Variants in CHST9 observed in about 807,000 individuals in gnomAD.
CHST9 encodes carbohydrate sulfotransferase 9.
CHST9 carries 41 observed loss-of-function variants against 44.4 expected under a neutral mutation model. That is an observed-to-expected ratio of 0.92 (90% CI 0.72 to 1.20). CHST9 has a LOEUF of 1.20. Among genes scored for constraint, CHST9 ranks in the 50% most tolerant of loss-of-function variants. The pLI is 0.00. For synonymous variants in CHST9, 171 were observed against 178.4 expected, an observed-to-expected ratio of 0.96 and a Z score of 0.33; for missense variants, 504 against 516.5, an observed-to-expected ratio of 0.98 and a Z score of 0.23.
rs537163975 is a variant in CHST9, at chr18:27,169,742, G to T, written c.-97+15394C>A. Reference sequence around the variant, plus strand: ...CTGCCTCAGCCTCCCGAGCAGCTGGGACTACAGGCACCCACCACCATGCCG... The same window carrying T: ...CTGCCTCAGCCTCCCGAGCAGCTGGTACTACAGGCACCCACCACCATGCCG... On this transcript the variant is annotated intron_variant, in intron 1 of 5. Transcript: ENST00000618847. Among the ~76,000 whole-genome samples, 13 of 151,676 alleles carry T rather than the reference G, an allele frequency of 8.6e-5. No individual in the cohort carries two copies. In the South Asian group the frequency reaches 2.7e-3, roughly 32 times the overall value.
intron 4 of CHST9, among the ~76,000 whole-genome samples, chr18:26,972,787 G>A (rs1262125416): frequency 6.6e-6 from 1 of 152,214 alleles, no homozygotes; most frequent in Non-Finnish European, 1.5e-5. Flanking sequence ...CCCGGGGATG[G>A]CGCTTTTCCT....
At chr18:27,028,889 A>G (rs2057311563) in intron 3 of CHST9, among the ~76,000 whole-genome samples, 2 of 152,224 alleles carry the variant, frequency 1.3e-5, no homozygotes, top group Non-Finnish European at 2.9e-5. Context: ...TTAACTATGT[A>G]TGCATTTGAT....
intron 4 of CHST9, among the ~76,000 whole-genome samples, chr18:26,953,095 T>G (rs140683363): frequency 1.3e-5 from 2 of 152,312 alleles, no homozygotes; most frequent in African/African-American, 2.4e-5. Context: ...CAAGAATATC[T>G]CTTGAATATG....
At chr18:26,956,518 ATT>A (rs1366400914) in intron 4 of CHST9, among the ~76,000 whole-genome samples, 4 of 150,216 alleles carry the variant, frequency 2.7e-5, no homozygotes, top group Admixed American at 6.6e-5. Context: ...ACACAATTAT[ATT>A]ATTTTTGTGG....
At chr18:27,019,689 CAAAAAAAA>C (rs60043018) in intron 4 of CHST9, among the ~76,000 whole-genome samples, 34 of 91,300 alleles carry the variant, frequency 3.7e-4, no homozygotes, top group African/African-American at 9.8e-4. Context: ...CACTACATGG[CAAAAAAAA>C]AAAAAAAAAA....
intron 4 of CHST9, among the ~76,000 whole-genome samples, chr18:26,977,035 C>T (rs1217956166): frequency 1.3e-5 from 2 of 150,520 alleles, no homozygotes; most frequent in African/African-American, 2.4e-5. Flanking sequence ...TTTGCCAGGC[C>T]CTTTTATGGA....
rs142365322 is a variant in CHST9 at position 26,924,346 on chromosome 18, G to A, written c.241-6996C>T. Among the ~76,000 whole-genome samples, 1,050 of 152,046 alleles carry A rather than the reference G, an allele frequency of 6.9e-3. 17 individuals carry two copies. Among genetic ancestry groups the A allele is most frequent in the African/African-American group, 0.024 (1,011 of 41,466 alleles). On this transcript the variant is annotated intron_variant, in intron 5 of 5. Coordinates refer to ENST00000618847, the MANE Select transcript of CHST9 (RefSeq NM_031422.6). ...AGAAATAGAAGTAGCAGTTTTTATG[G>A]GGGCCCTGGGGTGGGTGTGGGCATT...
At chr18:27,011,621 T>A (rs895281158) in intron 4 of CHST9, among the ~76,000 whole-genome samples, 2 of 152,148 alleles carry the variant, frequency 1.3e-5, no homozygotes, top group African/African-American at 4.8e-5. Context: ...AAAGGGGAGA[T>A]CTTTTAAGAG....
chr18:27,172,392 T>C (rs1298989382), intron 1 of CHST9, among the ~76,000 whole-genome samples: 2 of 152,072 alleles, frequency 1.3e-5, no homozygotes, highest in Non-Finnish European at 2.9e-5. Context: ...CTTAGTGGTA[T>C]GAGTGTCCTT....
At chr18:26,987,716 G>A (rs2056770508) in intron 4 of CHST9, among the ~76,000 whole-genome samples, 1 of 152,178 alleles carries the variant, frequency 6.6e-6, no homozygotes, top group Admixed American at 6.5e-5. Flanking sequence ...GCACTGGGAA[G>A]TGGGGTCTTT....
chr18:27,182,359 A>G (rs2058919164), intron 1 of CHST9, among the ~76,000 whole-genome samples: 1 of 152,210 alleles, frequency 6.6e-6, no homozygotes, highest in African/African-American at 2.4e-5. Context: ...TAACGCTTTC[A>G]GGGAAAAGAG....
intron 5 of CHST9, chr18:26,930,534 G>A (rs2055858387): frequency 6.5e-6 from 1 of 152,920 alleles, no homozygotes; most frequent in South Asian, 2.1e-4. Context: ...TTAACTCTAA[G>A]TTTTGCAGCT....
Position 26,910,610 on chromosome 18 carries a change from C to G in CHST9, c.*5649G>C, listed in dbSNP as rs1294240052. The G allele has an allele frequency of 6.6e-6, 1 of 152,128 alleles. No individual in the cohort carries two copies. Among genetic ancestry groups the G allele is most frequent in the Non-Finnish European group, 1.5e-5 (1 of 68,028 alleles). The allele number at this position is 152,128 out of a possible 1,614,324, so 9.4% of individuals were successfully genotyped here. On this transcript the variant is annotated 3_prime_UTR_variant, in exon 6 of 6. Transcript: ENST00000618847. ...CAAATCCCCTGTCATTAATGAGGCC[C>G]AATGTTGGCAGCTAATTCAGATGTT...
At chr18:27,062,587 T>C (rs561099514) in intron 2 of CHST9, among the ~76,000 whole-genome samples, 2 of 152,338 alleles carry the variant, frequency 1.3e-5, no homozygotes, top group South Asian at 4.1e-4. Context: ...TGGTTCCAAG[T>C]CTTTCCTATT....
intron 4 of CHST9, among the ~76,000 whole-genome samples, chr18:27,004,445 T>C (rs971106853): frequency 6.6e-6 from 1 of 152,074 alleles, no homozygotes; most frequent in Non-Finnish European, 1.5e-5. Context: ...CACTTCAAAA[T>C]TGTGCCCACT....
intron 2 of CHST9, among the ~76,000 whole-genome samples, chr18:27,051,850 C>A (rs772876455): frequency 8.5e-5 from 13 of 152,130 alleles, no homozygotes; most frequent in Non-Finnish European, 1.3e-4. Flanking sequence ...ATTTAATATA[C>A]TATACCTACA....
chr18:27,046,925 G>A (rs1485803), intron 3 of CHST9, among the ~76,000 whole-genome samples: 72,052 of 151,866 alleles, frequency 0.47, 17,861 homozygotes, highest in Non-Finnish European at 0.57. Context: ...TCATAGCCCT[G>A]GTGACCTGTG....
chr18:26,974,679 C>CTT (rs112747846), intron 4 of CHST9, among the ~76,000 whole-genome samples: 12 of 142,130 alleles, frequency 8.4e-5, no homozygotes, highest in African/African-American at 2.4e-4. Context: ...TTTTTTTTTC[C>CTT]TTTTTTTTTT....
chr18:27,077,505 T>C (rs1228656331), intron 2 of CHST9, among the ~76,000 whole-genome samples: 2 of 152,180 alleles, frequency 1.3e-5, no homozygotes, highest in African/African-American at 4.8e-5. Flanking sequence ...AATAAAACCT[T>C]GTTAAATCAG....
Sources: gnomAD v4.1 joint callset for allele counts (sites outside exome capture counted in the v4.1 genomes callset) on GRCh38, gnomAD v4.1.1 for gene constraint, MANE v1.5 for transcripts, NCBI Gene and HGNC (gene_info 2026-07-23, HGNC 2026-07-21) for gene names.